ZBTB20: variants seen among roughly 807,000 people sequenced by gnomAD.
ZBTB20 encodes zinc finger and BTB domain-containing protein 20.
Under a neutral mutation model 56.9 loss-of-function variants are expected in ZBTB20, and 9 were observed. The observed-to-expected ratio is 0.16, with a 90% CI of 0.10 to 0.28. ZBTB20 has a LOEUF of 0.28. Among genes scored for constraint, ZBTB20 ranks in the 10% least tolerant of loss-of-function variants. ZBTB20 has a pLI of 1.00. For synonymous variants in ZBTB20, 417 were observed against 420.7 expected (o/e 0.99, Z 0.11); for missense variants, 655 against 1,003.0 (o/e 0.65, Z 4.69).
chr3:114,466,355 G>A (rs1224699755), intron 7 of ZBTB20, among the ~76,000 whole-genome samples: 1 of 152,044 alleles, frequency 6.6e-6, no homozygotes, highest in African/African-American at 2.4e-5. Context: ...GACAAGCAAG[G>A]CACACAACTA....
chr3:114,606,993 G>T (rs972093250), intron 6 of ZBTB20, among the ~76,000 whole-genome samples: 6 of 151,896 alleles, frequency 4.0e-5, no homozygotes, highest in African/African-American at 1.5e-4. Context: ...AGCTACTTGG[G>T]AGGCTGAGGC....
At position 114,320,287 on chromosome 3, in the gene ZBTB20, A is replaced by G. The variant is rs1023244891; in HGVS notation, c.*18718T>C. 3.9e-5 allele frequency: 6 copies of G among 152,236 alleles called. No individual in the cohort carries two copies. In the East Asian group the frequency reaches 1.2e-3, roughly 29 times the overall value. The allele number at this position is 152,236 out of a possible 1,614,324, so 9.4% of individuals were successfully genotyped here. ...TGTTTCTGATTTTTTAAACAGTGAA[A>G]TATGTCCAATTTTATTTCCAGTGCA... On this transcript the variant is annotated 3_prime_UTR_variant, in exon 12 of 12. Transcript: ENST00000675478.
At chr3:114,706,506 C>G (rs537039813) in intron 5 of ZBTB20, among the ~76,000 whole-genome samples, 1 of 152,038 alleles carries the variant, frequency 6.6e-6, no homozygotes, top group African/African-American at 2.4e-5. Context: ...GATTTTAAAG[C>G]ACTTAATAAC....
chr3:114,733,570 A>T (rs567464965), intron 5 of ZBTB20, among the ~76,000 whole-genome samples: 1 of 152,132 alleles, frequency 6.6e-6, no homozygotes, highest in Non-Finnish European at 1.5e-5. Context: ...TCCTGTCTAC[A>T]CTAGCATTTA....
At chr3:114,767,142 AAATT>A (rs1458603700) in intron 5 of ZBTB20, among the ~76,000 whole-genome samples, 2 of 152,126 alleles carry the variant, frequency 1.3e-5, no homozygotes, top group African/African-American at 2.4e-5. Flanking sequence ...AATAATTCAT[AAATT>A]AATTAGTCTC....
chr3:115,034,614 C>T (rs1020231721), intron 2 of ZBTB20, among the ~76,000 whole-genome samples: 4 of 151,762 alleles, frequency 2.6e-5, no homozygotes, highest in South Asian at 2.1e-4. Flanking sequence ...ATTGTGTTCA[C>T]GAATTGGAAG....
At chr3:114,808,554 CATCTTCTCTCCTTTTTCCTTG>C (rs1378601140) in intron 4 of ZBTB20, among the ~76,000 whole-genome samples, 1 of 151,806 alleles carries the variant, frequency 6.6e-6, no homozygotes, top group African/African-American at 2.4e-5. Context: ...GGTAATCTGT[CATCTTCTCTCCTTTTTCCTTG>C]ATCAGTCTAG....
intron 5 of ZBTB20, among the ~76,000 whole-genome samples, chr3:114,737,780 C>T (rs936438402): frequency 3.3e-5 from 5 of 152,122 alleles, no homozygotes; most frequent in African/African-American, 4.8e-5. Flanking sequence ...TTCATCAAAG[C>T]CCTGATCATC....
At chr3:114,397,759 A>G (rs2086461011) in intron 7 of ZBTB20, among the ~76,000 whole-genome samples, 1 of 152,182 alleles carries the variant, frequency 6.6e-6, no homozygotes, top group Non-Finnish European at 1.5e-5. Flanking sequence ...TACACAGGAT[A>G]TTAAGGTGCT....
At chr3:114,583,410 C>T (rs78583720) in intron 6 of ZBTB20, among the ~76,000 whole-genome samples, 3,140 of 152,122 alleles carry the variant, frequency 0.021, 107 homozygotes, top group African/African-American at 0.071. Context: ...TAAACACAAA[C>T]ATTGATTTTT....
intron 11 of ZBTB20, among the ~76,000 whole-genome samples, chr3:114,347,463 T>A (rs1357016): frequency 0.29 from 44,238 of 152,066 alleles, 7,210 homozygotes; most frequent in Non-Finnish European, 0.36. Context: ...AATCTTTTTA[T>A]ACTAACATTT....
At chr3:114,434,558 T>TTGTGTGTGTGTGTG (rs71146320) in intron 7 of ZBTB20, among the ~76,000 whole-genome samples, 2,841 of 146,036 alleles carry the variant, frequency 0.019, 42 homozygotes, top group Non-Finnish European at 0.023. Context: ...GTGTGTGTGT[T>TTGTGTGTGTGTGTG]TGTGTGTGTG....
rs574944156 is a variant in ZBTB20 at position 114,419,638 on chromosome 3, T to C, written c.-254-30533A>G. ...CCTCTTTGTATAATTTTAATTATTT[T>C]ACAGGATTTAGACTTTAATCACTAA... On this transcript the variant is annotated intron_variant, in intron 7 of 11. Coordinates refer to ENST00000675478, the MANE Select transcript of ZBTB20 (RefSeq NM_001348800.3). Among the ~76,000 whole-genome samples the C allele has an allele frequency of 1.1e-4, 16 of 152,242 alleles. No individual in the cohort carries two copies. In the South Asian group the frequency reaches 3.1e-3, roughly 30 times the overall value.
intron 5 of ZBTB20, among the ~76,000 whole-genome samples, chr3:114,770,793 A>G (rs1015695488): frequency 1.3e-5 from 2 of 152,184 alleles, no homozygotes; most frequent in African/African-American, 4.8e-5. Context: ...GAGCAGAAGT[A>G]TTTAGGAGTT....
chr3:114,791,737 T>C (rs2108808785), intron 5 of ZBTB20: 1 of 152,318 alleles, frequency 6.6e-6, no homozygotes, highest in East Asian at 1.9e-4. Flanking sequence ...TGCAAACAAG[T>C]AGAAGACCTT....
intron 8 of ZBTB20, 106 bp downstream of exon 8, chr3:114,388,899 T>G (rs551691537): frequency 6.6e-6 from 1 of 152,224 alleles, no homozygotes; most frequent in Non-Finnish European, 1.5e-5. Context: ...ATCCAAGAAA[T>G]GAAGCCATCT....
rs954794070 is a variant in ZBTB20, at chr3:114,327,021, C to G, written c.*11984G>C. On this transcript the variant is annotated 3_prime_UTR_variant, in exon 12 of 12. Coordinates refer to ENST00000675478, the MANE Select transcript of ZBTB20 (RefSeq NM_001348800.3). ...GGAGAAAAGAAGAAAAAAAAATCTT[C>G]CTATCCTCACGAATATATACTATAG... 2 of 152,134 alleles carry G rather than the reference C, an allele frequency of 1.3e-5. No individual in the cohort carries two copies. Among genetic ancestry groups the G allele is most frequent in the African/African-American group, 4.8e-5 (2 of 41,414 alleles). 9.4% of individuals were successfully genotyped at this position (152,134 alleles called of 1,614,324 possible).
chr3:114,901,689 A>G (rs1211481160), intron 3 of ZBTB20, among the ~76,000 whole-genome samples: 1 of 152,148 alleles, frequency 6.6e-6, no homozygotes, highest in Admixed American at 6.5e-5. Context: ...AATATTTGGC[A>G]AAATTTAACA....
Position 114,339,419 on chromosome 3 carries a change from C to T in ZBTB20, c.1812G>A (p.Lys604=). The change falls in exon 12 of 12, where the codon AAG becomes AAA. Residue 604 remains lysine, a synonymous_variant. Transcript: ENST00000675478. This position sits in a 1 kb window ranked among gnomAD's most constrained non-coding sequence, Gnocchi z 4.2. ...GCCAACAGATGCTGCATTGGTGGGG[C>T]TTCTCACCTGTTGATGTAGGAAGAG... is the stretch of plus-strand genomic sequence containing the variant. ...VKHMFVHTGE[K]PHQCSICWRS... The T allele has an allele frequency of 6.2e-7, 1 of 1,612,408 alleles. No homozygotes were observed. Among genetic ancestry groups the T allele is most frequent in the South Asian group, 1.1e-5 (1 of 91,026 alleles).
Sources: gnomAD v4.1 joint callset for allele counts (sites outside exome capture counted in the v4.1 genomes callset) on GRCh38, gnomAD v4.1.1 for gene constraint, Gnocchi (gnomAD v3.1) non-coding constraint, MANE v1.5 for transcripts, NCBI Gene and HGNC (gene_info 2026-07-23, HGNC 2026-07-21) for gene names.